SVIL: variants seen among roughly 807,000 people sequenced by gnomAD.
The protein encoded by SVIL is archvillin.
In SVIL, 101 loss-of-function variants were observed where a neutral mutation model predicts 240.4. That is an observed-to-expected ratio of 0.42 (90% CI 0.36 to 0.50). SVIL has a LOEUF of 0.50. Ranked by LOEUF, SVIL falls within the 20% of genes least tolerant of loss-of-function variation. The probability of loss-of-function intolerance (pLI) is 0.01; values close to 1 mark genes in which losing one functional copy is unlikely to be tolerated. For synonymous variants in SVIL, 999 were observed against 1,100.0 expected, an observed-to-expected ratio of 0.91 and a Z score of 1.82; for missense variants, 2,512 against 2,818.7, an observed-to-expected ratio of 0.89 and a Z score of 2.46.
intron 17 of SVIL, among the ~76,000 whole-genome samples, chr10:29,505,523 G>A (rs879593297): frequency 9.2e-5 from 14 of 151,780 alleles, no homozygotes; most frequent in Admixed American, 2.6e-4. Context: ...AGGACTGGGC[G>A]GTGAGAGTGA....
intron 1 of SVIL, among the ~76,000 whole-genome samples, chr10:29,583,994 T>C (rs1017887914): frequency 2.0e-5 from 3 of 152,130 alleles, no homozygotes; most frequent in Non-Finnish European, 4.4e-5. Flanking sequence ...TAGAAAACCA[T>C]GAATACAAGC....
chr10:29,462,329 T>C lies in SVIL; in HGVS notation c.6350A>G (p.Asn2117Ser). ...HAGLEPLTFT[N>S]MFPSWEHRED... ...TCTGTGCTCCCAGCTGGGAAACATA[T>C]TGGTGAATGTCAGGGGCTCCAGACC... Residue 2117 changes from asparagine to serine, a missense_variant, in exon 36 of 38, where the codon AAT becomes AGT. Transcript: ENST00000355867. 19 of 1,614,160 alleles carry C rather than the reference T, an allele frequency of 1.2e-5. No homozygotes were observed. The highest frequency in any genetic ancestry group is 1.3e-5 in the Non-Finnish European group (15 of 1,180,028).
rs55940009 is a variant in SVIL at position 29,729,450 on chromosome 10, GGTGTGTGTGTGTGTGTGTGTGT to G, written c.-400+6279_-400+6300del. Among the ~76,000 whole-genome samples the G allele has an allele frequency of 3.4e-3, 460 of 136,786 alleles. 3 individuals are homozygous for G. Among genetic ancestry groups the G allele is most frequent in the Middle Eastern group, 7.7e-3 (2 of 260 alleles). 89.7% of individuals were successfully genotyped at this position (136,786 alleles called of 152,430 possible). The stretch of plus-strand genomic sequence containing the variant: ...CATGCTGGGCCTCTGTGTTTATGGA[GGTGTGTGTGTGTGTGTGTGTGT>G]GTGTGTGTGTGTGTGTGTGTGTGTA... On this transcript the variant is annotated intron_variant, in intron 1 of 35. Coordinates refer to the SVIL transcript ENST00000375400.
Position 29,523,517 on chromosome 10 carries a change from C to T in SVIL, c.3097G>A (p.Asp1033Asn). 6.2e-7 allele frequency: 1 copy of T among 1,614,024 alleles called. No homozygotes were observed. The highest frequency in any genetic ancestry group is 8.5e-7 in the Non-Finnish European group (1 of 1,179,970). Residue 1033 changes from aspartate (D) to asparagine (N), a missense_variant, in exon 15 of 38, where the codon GAC (aspartate) becomes AAC (asparagine). Physicochemically the swap from Asp to Asn is conservative, Grantham distance 23. Transcript: ENST00000355867. ...MNAQGNLDLR[D>N]RLPFEEKVEV... ...ACCTTCTCTTCAAAGGGCAGCCTGT[C>T]CCTCAAGTCCAAGTTTCCTTGTGCA...
chr10:29,530,530 C>G (rs1951283958), intron 11 of SVIL, 77 bp downstream of exon 11: 1 of 1,537,292 alleles, frequency 6.5e-7, no homozygotes, highest in African/African-American at 1.4e-5. Context: ...AAGTGATTCT[C>G]CTGCCTTGGC....
At chr10:29,563,893 ATCTT>A (rs1236372605) in intron 2 of SVIL, among the ~76,000 whole-genome samples, 1 of 151,750 alleles carries the variant, frequency 6.6e-6, no homozygotes, top group African/African-American at 2.4e-5. Context: ...ATCTTAATAC[ATCTT>A]AATACATCTC....
intron 16 of SVIL, among the ~76,000 whole-genome samples, chr10:29,514,746 G>A (rs937378853): frequency 2.0e-5 from 3 of 152,050 alleles, no homozygotes; most frequent in South Asian, 2.1e-4. Context: ...TGGGTATCTC[G>A]GTTCTCCCTC....
At position 29,458,687 on chromosome 10, in the gene SVIL, A is replaced by G. The variant is rs1021062302; in HGVS notation, c.6403-98T>C. On this transcript the variant is annotated intron_variant, in intron 36 of 37. Coordinates refer to ENST00000355867, the MANE Select transcript of SVIL (RefSeq NM_021738.3). The stretch of plus-strand genomic sequence containing the variant: ...ACACACAGCCCTGTGCCACCTGCAT[A>G]CTGCCTGAGGATGCATAGTTCCATA... 27 of 1,344,512 alleles carry G rather than the reference A, an allele frequency of 2.0e-5. No homozygotes were observed. The African/African-American group carries it at 3.5e-4, about 18-fold the overall frequency. The allele number at this position is 1,344,512 out of a possible 1,614,324, so 83.3% of individuals were successfully genotyped here.
At chr10:29,606,447 T>C (rs929215350) in intron 1 of SVIL, among the ~76,000 whole-genome samples, 3 of 152,228 alleles carry the variant, frequency 2.0e-5, no homozygotes, top group Admixed American at 1.3e-4. Context: ...ATCAAGGTTT[T>C]GTTATACTTC....
At chr10:29,641,426 G>A (rs1022214212) in intron 3 of SVIL, among the ~76,000 whole-genome samples, 2 of 151,772 alleles carry the variant, frequency 1.3e-5, no homozygotes, top group African/African-American at 2.4e-5. Context: ...AAAAATTAGC[G>A]GCATGGTGGT....
At position 29,634,426 on chromosome 10, in the gene SVIL, T is replaced by A. The variant is rs1194114295; in HGVS notation, c.-207A>T. ...AGGAAGATTTTTCACTTACTTCAAA[T>A]TTCTGTATAATCCTCGTTCCTCTAA... On this transcript the variant is annotated 5_prime_UTR_variant, in exon 1 of 38. Coordinates refer to ENST00000355867, the MANE Select transcript of SVIL (RefSeq NM_021738.3). 6.6e-6 allele frequency: 1 copy of A among 152,160 alleles called. No homozygotes were observed. Among genetic ancestry groups the A allele is most frequent in the African/African-American group, 2.4e-5 (1 of 41,434 alleles). 9.4% of individuals were successfully genotyped at this position (152,160 alleles called of 1,614,324 possible).
intron 21 of SVIL, among the ~76,000 whole-genome samples, chr10:29,492,179 C>A (rs1475112959): frequency 6.6e-6 from 1 of 152,110 alleles, no homozygotes; most frequent in African/African-American, 2.4e-5. Flanking sequence ...AGACCCAGAG[C>A]CCCGCCTTTA....
chr10:29,521,228 G>GAAA (rs759415423), intron 16 of SVIL, among the ~76,000 whole-genome samples: 1 of 63,734 alleles, frequency 1.6e-5, no homozygotes, highest in African/African-American at 4.8e-5. Flanking sequence ...GTCTCAAAAA[G>GAAA]AAAAAAAAAA....
chr10:29,632,227 TG>T (rs1346907448), intron 1 of SVIL, among the ~76,000 whole-genome samples: 1 of 152,136 alleles, frequency 6.6e-6, no homozygotes, highest in Admixed American at 6.5e-5. Flanking sequence ...TGGTGGCTCA[TG>T]CCTGTAATCC....
At chr10:29,567,495 C>T (rs34656387) in intron 2 of SVIL, among the ~76,000 whole-genome samples, 10,056 of 152,304 alleles carry the variant, frequency 0.066, 386 homozygotes, top group Admixed American at 0.12. Context: ...CAGCCCATTT[C>T]ACACTTAGCA....
chr10:29,476,042 GTGGATCTCAAC>G (rs1202628182), intron 29 of SVIL, among the ~76,000 whole-genome samples: 1 of 152,168 alleles, frequency 6.6e-6, no homozygotes, highest in Non-Finnish European at 1.5e-5. Context: ...ACCATCCACT[GTGGATCTCAAC>G]TGGTTAAGTT....
intron 1 of SVIL, among the ~76,000 whole-genome samples, chr10:29,628,496 C>A (rs2505910): frequency 0.11 from 16,615 of 152,166 alleles, 1,012 homozygotes; most frequent in Middle Eastern, 0.17. Flanking sequence ...AAGTTATTTG[C>A]CAACTTTCCA....
chr10:29,534,477 T>G (rs1429244158), intron 7 of SVIL, among the ~76,000 whole-genome samples: 1 of 152,216 alleles, frequency 6.6e-6, no homozygotes, highest in Non-Finnish European at 1.5e-5. Context: ...CACTCCAGCA[T>G]AGGCAACAGA....
chr10:29,519,142 T>G (rs762827349), intron 16 of SVIL, among the ~76,000 whole-genome samples: 10 of 152,226 alleles, frequency 6.6e-5, no homozygotes, highest in Non-Finnish European at 1.5e-4. Flanking sequence ...GTTAAGAGCA[T>G]GTGAACTGAG....
Sources: gnomAD v4.1 joint callset for allele counts (sites outside exome capture counted in the v4.1 genomes callset) on GRCh38, gnomAD v4.1.1 for gene constraint, MANE v1.5 for transcripts, NCBI Gene and HGNC (gene_info 2026-07-23, HGNC 2026-07-21) for gene names.